The following PTPRD variants were observed in gnomAD, a reference collection of about 807,000 sequenced individuals.
PTPRD encodes the protein receptor-type tyrosine-protein phosphatase delta.
A neutral mutation model predicts 214.5 loss-of-function variants in PTPRD; 34 were observed. That is an observed-to-expected ratio of 0.16 (90% CI 0.12 to 0.21). The LOEUF is 0.21. Ranked by LOEUF, PTPRD falls within the 10% of genes least tolerant of loss-of-function variation. The pLI, the probability that PTPRD is intolerant of heterozygous loss-of-function variation, is 1.00. For synonymous variants in PTPRD, 1,128 were observed against 845.7 expected, an observed-to-expected ratio of 1.33 and a Z score of -5.79; for missense variants, 2,545 against 2,398.7, an observed-to-expected ratio of 1.06 and a Z score of -1.27.
intron 4 of PTPRD, among the ~76,000 whole-genome samples, chr9:10,002,197 C>T (rs2096337877): frequency 6.7e-6 from 1 of 150,106 alleles, no homozygotes; most frequent in African/African-American, 2.4e-5. Context: ...AGGAACCAAA[C>T]TGGTATACTA....
intron 14 of PTPRD, among the ~76,000 whole-genome samples, chr9:8,630,505 T>C (rs1215223559): frequency 6.6e-6 from 1 of 151,868 alleles, no homozygotes; most frequent in South Asian, 2.1e-4. Context: ...CCTAAAAGGA[T>C]ATATAAAAGT....
At chr9:9,914,150 G>A (rs2080004943) in intron 5 of PTPRD, among the ~76,000 whole-genome samples, 1 of 152,132 alleles carries the variant, frequency 6.6e-6, no homozygotes, top group Non-Finnish European at 1.5e-5. Flanking sequence ...CCCAATGCAG[G>A]AGAGAACTCC....
chr9:8,973,061 C>A (rs1334301625), intron 11 of PTPRD, among the ~76,000 whole-genome samples: 1 of 151,078 alleles, frequency 6.6e-6, no homozygotes, highest in Non-Finnish European at 1.5e-5. Flanking sequence ...GAAGTATGTG[C>A]ATTATGATTC....
At chr9:8,920,377 G>T (rs1183746883) in intron 11 of PTPRD, among the ~76,000 whole-genome samples, 1 of 151,982 alleles carries the variant, frequency 6.6e-6, no homozygotes, top group Non-Finnish European at 1.5e-5. Context: ...AAATACTAAG[G>T]AGGCAATGTA....
chr9:8,514,526 T>G (rs888319488), intron 21 of PTPRD, among the ~76,000 whole-genome samples: 1 of 90,970 alleles, frequency 1.1e-5, no homozygotes, highest in African/African-American at 4.7e-5. Context: ...ATAAACTTAG[T>G]TTTTTTTTTT....
At chr9:8,755,624 CA>C (rs1232821690) in intron 11 of PTPRD, among the ~76,000 whole-genome samples, 1 of 151,410 alleles carries the variant, frequency 6.6e-6, no homozygotes, top group Non-Finnish European at 1.5e-5. Flanking sequence ...TTCATAAAAT[CA>C]AATACTTGTT....
intron 4 of PTPRD, among the ~76,000 whole-genome samples, chr9:9,983,502 A>T (rs1304975543): frequency 6.6e-6 from 1 of 152,224 alleles, no homozygotes. Context: ...ACAACCAACA[A>T]TAAAATACAG....
rs537652081 is a variant in PTPRD, at chr9:9,706,892, A to G, written c.-287+27641T>C. Among the ~76,000 whole-genome samples, 7 of 152,300 alleles carry G rather than the reference A, an allele frequency of 4.6e-5. No individual in the cohort carries two copies. The East Asian group carries it at 1.3e-3, about 29-fold the overall frequency. ...GACATGTATTAAATAAAATGAAACAAAAAGGCAAAAAGCAATTGAAAAGTC... is the reference window on the plus strand; with the variant it reads ...GACATGTATTAAATAAAATGAAACAGAAAGGCAAAAAGCAATTGAAAAGTC... On this transcript the variant is annotated intron_variant, in intron 7 of 45. Transcript: ENST00000381196.
chr9:10,224,141 G>C (rs1275938942), intron 3 of PTPRD, among the ~76,000 whole-genome samples: 1 of 151,800 alleles, frequency 6.6e-6, no homozygotes, highest in African/African-American at 2.4e-5. Flanking sequence ...TATTAAGAAG[G>C]ATAATCATAG....
chr9:9,078,567 T>G (rs190242820), intron 10 of PTPRD, among the ~76,000 whole-genome samples: 4 of 152,126 alleles, frequency 2.6e-5, no homozygotes, highest in African/African-American at 7.2e-5. Context: ...TTTTTTATTA[T>G]AAAACCTTTC....
intron 36 of PTPRD, among the ~76,000 whole-genome samples, chr9:8,398,609 A>G (rs187364419): frequency 1.5e-4 from 23 of 152,328 alleles, no homozygotes; most frequent in Non-Finnish European, 3.2e-4. Context: ...TGCTTAAGTC[A>G]TCAGGGCAGA....
chr9:10,485,039 G>C (rs2099123740), intron 2 of PTPRD, among the ~76,000 whole-genome samples: 1 of 148,624 alleles, frequency 6.7e-6, no homozygotes, highest in Non-Finnish European at 1.5e-5. Context: ...TTTTTTTTTT[G>C]CATATGAAAG....
At chr9:9,943,336 G>T (rs941690867) in intron 4 of PTPRD, among the ~76,000 whole-genome samples, 1 of 152,108 alleles carries the variant, frequency 6.6e-6, no homozygotes, top group Non-Finnish European at 1.5e-5. Context: ...ACAGTAGTCA[G>T]ATTAAAAGGG....
chr9:9,898,130 A>G (rs2075492676), intron 5 of PTPRD, among the ~76,000 whole-genome samples: 1 of 152,138 alleles, frequency 6.6e-6, no homozygotes, highest in Non-Finnish European at 1.5e-5. Flanking sequence ...TAATTTATTC[A>G]TAATGTATGA....
chr9:10,381,103 A>G (rs560656531), intron 2 of PTPRD, among the ~76,000 whole-genome samples: 3 of 149,952 alleles, frequency 2.0e-5, no homozygotes, highest in East Asian at 2.0e-4. Context: ...TATAAGACCA[A>G]AAAAAAAAGA....
intron 3 of PTPRD, among the ~76,000 whole-genome samples, chr9:10,061,930 C>G (rs2097783668): frequency 6.6e-6 from 1 of 151,976 alleles, no homozygotes; most frequent in South Asian, 2.1e-4. Context: ...AGGCCCCACC[C>G]ACAAATACTG....
chr9:9,738,439 CTTTTTTT>C (rs71319292), intron 6 of PTPRD, among the ~76,000 whole-genome samples: 2 of 76,518 alleles, frequency 2.6e-5, no homozygotes, highest in African/African-American at 6.4e-5. Context: ...CACTCACTCA[CTTTTTTT>C]TTTTTTTTTT....
chr9:10,531,974 C>G (rs1011088825), intron 2 of PTPRD, among the ~76,000 whole-genome samples: 2 of 152,136 alleles, frequency 1.3e-5, no homozygotes, highest in Non-Finnish European at 2.9e-5. Context: ...GTGGGAATAA[C>G]TGTATTACAT....
intron 5 of PTPRD, among the ~76,000 whole-genome samples, chr9:9,911,087 T>C (rs1489788858): frequency 6.6e-6 from 1 of 152,038 alleles, no homozygotes; most frequent in Non-Finnish European, 1.5e-5. Flanking sequence ...GTAATCCTGG[T>C]ATTGCTCCTG....
Sources: gnomAD v4.1 joint callset for allele counts (sites outside exome capture counted in the v4.1 genomes callset) on GRCh38, gnomAD v4.1.1 for gene constraint, MANE v1.5 for transcripts, NCBI Gene and HGNC (gene_info 2026-07-23, HGNC 2026-07-21) for gene names.